Variants in CFAP47 observed in about 807,000 individuals in gnomAD.
CFAP47 encodes the protein cilia and flagella associated protein 47.
A neutral mutation model predicts 148.1 loss-of-function variants in CFAP47; 29 were observed. The ratio of observed to expected loss-of-function variants is 0.20; its 90% CI spans 0.15 to 0.27. CFAP47 has a LOEUF of 0.27. CFAP47 is among the 10% of genes least tolerant of loss of function. The pLI is 1.00. For missense variants in CFAP47, 1,872 were observed against 1,697.5 expected, an observed-to-expected ratio of 1.10 and a Z score of -1.81; for synonymous variants, 664 against 577.3, an observed-to-expected ratio of 1.15 and a Z score of -2.15.
chrX:36,012,782 G>A (rs184185855), intron 21 of CFAP47, among the ~76,000 whole-genome samples: 2 of 111,007 alleles, frequency 1.8e-5, no homozygotes, highest in East Asian at 2.8e-4. Context: ...GTATACCTAC[G>A]TAACAAATCT....
chrX:36,080,723 T>C (rs1480482462), intron 29 of CFAP47, among the ~76,000 whole-genome samples: 3 of 110,886 alleles, frequency 2.7e-5, no homozygotes, highest in African/African-American at 9.9e-5. Flanking sequence ...AGGTGGGAAC[T>C]GAACAATGAG....
chrX:36,077,183 CTTTTTTTTTTTTTTTTTTTTTTTT>C (rs776287161), intron 29 of CFAP47, among the ~76,000 whole-genome samples: 330 of 20,974 alleles, frequency 0.016, 1 homozygote, highest in Non-Finnish European at 0.022. Flanking sequence ...GCGCCTCCAG[CTTTTTTTTTTTTTTTTTTTTTTTT>C]TTTTTTTTTT....
chrX:36,224,058 A>AGTTG (rs1203864804), intron 45 of CFAP47, among the ~76,000 whole-genome samples: 1 of 111,479 alleles, frequency 9.0e-6, no homozygotes, highest in African/African-American at 3.3e-5. Context: ...GTTCTTAAAT[A>AGTTG]GTTGGGAGGA....
At chrX:35,928,294 G>A (rs181775746) in intron 2 of CFAP47, among the ~76,000 whole-genome samples, 30 of 110,230 alleles carry the variant, frequency 2.7e-4, no homozygotes, top group Non-Finnish European at 7.6e-5. Context: ...CCACTTTTAC[G>A]GTATCTTTGC....
intron 22 of CFAP47, among the ~76,000 whole-genome samples, chrX:36,021,607 AT>A (rs1159458086): frequency 7.5e-4 from 83 of 111,129 alleles, no homozygotes; most frequent in African/African-American, 2.7e-3. Context: ...CCATCAACCC[AT>A]CATCTAGGTT....
At chrX:35,990,770 G>T (rs1936780380) in intron 16 of CFAP47, among the ~76,000 whole-genome samples, 1 of 110,706 alleles carries the variant, frequency 9.0e-6, no homozygotes, top group African/African-American at 3.3e-5. Flanking sequence ...TATTCCTTTT[G>T]CCTTACCTAG....
chrX:36,169,168 T>A (rs142440158), intron 39 of CFAP47, among the ~76,000 whole-genome samples: 1,752 of 111,057 alleles, frequency 0.016, 34 homozygotes, highest in African/African-American at 0.055. Flanking sequence ...CTGTAGACAC[T>A]GAGTCAATTT....
intron 27 of CFAP47, among the ~76,000 whole-genome samples, chrX:36,069,549 C>G (rs1040535832): frequency 9.0e-6 from 1 of 111,487 alleles, no homozygotes; most frequent in African/African-American, 3.3e-5. Context: ...TATCCTAAAA[C>G]ATCTTTAGAA....
chrX:36,136,551 A>G (rs1283953861), intron 33 of CFAP47, among the ~76,000 whole-genome samples: 2 of 111,333 alleles, frequency 1.8e-5, no homozygotes, highest in African/African-American at 3.3e-5. Flanking sequence ...ATACATTCAG[A>G]GAAGCACATT....
chrX:36,184,956 T>G (rs1939790757), intron 40 of CFAP47, among the ~76,000 whole-genome samples: 1 of 109,952 alleles, frequency 9.1e-6, no homozygotes, highest in Admixed American at 9.7e-5. Context: ...AAAAGAAAGC[T>G]GGATTCTGGA....
Position 35,956,079 on chromosome X carries a change from A to C in CFAP47, c.1293A>C (p.Glu431Asp). 1 of 1,211,406 alleles carries C rather than the reference A, an allele frequency of 8.3e-7. No individual in the cohort carries two copies. The highest frequency in any genetic ancestry group is 1.7e-5 in the African/African-American group (1 of 57,806). Residue 431 changes from glutamate to aspartate, a missense_variant, in exon 8 of 64, where the codon GAA (glutamate) becomes GAC (aspartate). Coordinates refer to ENST00000378653, the MANE Select transcript of CFAP47 (RefSeq NM_001304548.2). ...CTTGTTTCATGGGTGAACGTTCAGA[A>C]ATTCAGTGCATCATAAAAAATCAAT... is the stretch of plus-strand genomic sequence containing the variant. Reference protein sequence around the residue: ...FKPCFMGERSEIQCIIKNQCE... With the variant: ...FKPCFMGERSDIQCIIKNQCE...
chrX:36,346,191 G>T (rs1941695944), intron 57 of CFAP47, among the ~76,000 whole-genome samples: 1 of 109,839 alleles, frequency 9.1e-6, no homozygotes, highest in Non-Finnish European at 1.9e-5. Context: ...TTTGTTTTTT[G>T]TTTGTTTGTT....
At chrX:36,122,988 G>A (rs1328962571) in intron 33 of CFAP47, among the ~76,000 whole-genome samples, 1 of 111,793 alleles carries the variant, frequency 8.9e-6, no homozygotes, top group East Asian at 2.8e-4. Flanking sequence ...TCAATGTCAT[G>A]TTCTAAGCTG....
intron 2 of CFAP47, among the ~76,000 whole-genome samples, chrX:35,929,726 T>C (rs1205214690): frequency 1.8e-5 from 2 of 111,468 alleles, no homozygotes; most frequent in Non-Finnish European, 3.8e-5. Flanking sequence ...GAAGCTGGCT[T>C]GGTGGCTCAC....
intron 59 of CFAP47, among the ~76,000 whole-genome samples, chrX:36,353,307 A>C (rs1474344008): frequency 9.0e-6 from 1 of 110,817 alleles, no homozygotes; most frequent in African/African-American, 3.3e-5. Context: ...TTCCTGTGCT[A>C]TTTTTACATA....
intron 57 of CFAP47, among the ~76,000 whole-genome samples, chrX:36,320,827 T>C (rs1941472811): frequency 9.1e-6 from 1 of 109,971 alleles, no homozygotes; most frequent in Non-Finnish European, 1.9e-5. Flanking sequence ...CTGATGGAAA[T>C]ACAAATTACT....
At chrX:36,010,800 C>T (rs1402917436) in intron 21 of CFAP47, among the ~76,000 whole-genome samples, 1 of 111,713 alleles carries the variant, frequency 9.0e-6, no homozygotes, top group Non-Finnish European at 1.9e-5. Flanking sequence ...TTGATATTCT[C>T]GTTTCGTGTA....
intron 24 of CFAP47, among the ~76,000 whole-genome samples, chrX:36,036,359 AT>A (rs200119140): frequency 5.6e-4 from 57 of 102,243 alleles, no homozygotes; most frequent in Non-Finnish European, 7.2e-4. Context: ...AGGTTCAATC[AT>A]TTTTTTTTTT....
intron 3 of CFAP47, among the ~76,000 whole-genome samples, chrX:35,947,746 C>T (rs1936104475): frequency 9.0e-6 from 1 of 111,254 alleles, no homozygotes; most frequent in Non-Finnish European, 1.9e-5. Context: ...ACAAGTCATT[C>T]ATCATTTCAA....
Sources: gnomAD v4.1 joint callset for allele counts (sites outside exome capture counted in the v4.1 genomes callset) on GRCh38, gnomAD v4.1.1 for gene constraint, MANE v1.5 for transcripts, NCBI Gene and HGNC (gene_info 2026-07-23, HGNC 2026-07-21) for gene names.